The following DCDC2 variants were observed in gnomAD, a reference collection of about 807,000 sequenced individuals.
DCDC2 encodes the protein doublecortin domain-containing protein 2.
Under a neutral mutation model 50.2 loss-of-function variants are expected in DCDC2, and 40 were observed. The ratio of observed to expected loss-of-function variants is 0.80; its 90% CI spans 0.62 to 1.04. DCDC2 has a LOEUF of 1.04. DCDC2 is among the 50% of genes least tolerant of loss of function. DCDC2 has a pLI of 0.00. For missense variants in DCDC2, 570 were observed against 581.9 expected (o/e 0.98, Z 0.21); for synonymous variants, 234 against 210.6 (o/e 1.11, Z -0.96).
intron 7 of DCDC2, among the ~76,000 whole-genome samples, chr6:24,275,733 G>A (rs1763337814): frequency 2.0e-5 from 3 of 151,984 alleles, no homozygotes; most frequent in Non-Finnish European, 2.9e-5. Flanking sequence ...AGAACAGGAA[G>A]GCTTATACCT....
chr6:24,370,808 A>C, the DCDC2 span, among the ~76,000 whole-genome samples: 2 of 152,230 alleles, frequency 1.3e-5, no homozygotes, highest in Admixed American at 6.5e-5. Context: ...TGTTCATAGA[A>C]GCATTATTCA....
At chr6:24,219,519 C>T (rs976746217) in intron 7 of DCDC2, among the ~76,000 whole-genome samples, 2 of 152,162 alleles carry the variant, frequency 1.3e-5, no homozygotes, top group Non-Finnish European at 2.9e-5. Flanking sequence ...CCAACCATGA[C>T]CCATTAGTAG....
intron 7 of DCDC2, among the ~76,000 whole-genome samples, chr6:24,254,025 C>G (rs1045657429): frequency 1.1e-4 from 17 of 152,048 alleles, no homozygotes; most frequent in Non-Finnish European, 5.9e-5. Flanking sequence ...ATTCTATAAG[C>G]TTTTTCTATT....
intron 8 of DCDC2, among the ~76,000 whole-genome samples, chr6:24,195,735 G>A (rs1029957768): frequency 6.6e-6 from 1 of 152,140 alleles, no homozygotes; most frequent in Non-Finnish European, 1.5e-5. Flanking sequence ...CCCTTTGGAG[G>A]CAAAATCACC....
intron 2 of DCDC2, among the ~76,000 whole-genome samples, chr6:24,341,619 T>C (rs1200926435): frequency 1.3e-5 from 2 of 152,196 alleles, no homozygotes; most frequent in Non-Finnish European, 2.9e-5. Context: ...TTTCGAGACA[T>C]GGACCTTTTT....
At chr6:24,289,011 G>A (rs1269860244) in intron 5 of DCDC2, 105 bp from the exon 6 acceptor site, 3 of 787,290 alleles carry the variant, frequency 3.8e-6, no homozygotes, top group Non-Finnish European at 6.1e-6. Context: ...TTACTGCTGT[G>A]TTTCACAAAA....
At position 24,291,595 on chromosome 6, in the gene DCDC2, C is replaced by T. The variant is rs575994433; in HGVS notation, c.558-517G>A. On this transcript the variant is annotated intron_variant, in intron 4 of 9. Coordinates refer to ENST00000378454, the MANE Select transcript of DCDC2 (RefSeq NM_016356.5). ...CCGCCTCCCGGGTTCATGCCATTCTCCTGCCTCAGCCTCCCAAGTAGCTGG... is the reference window on the plus strand; with the variant it reads ...CCGCCTCCCGGGTTCATGCCATTCTTCTGCCTCAGCCTCCCAAGTAGCTGG... Among the ~76,000 whole-genome samples the T allele has an allele frequency of 3.3e-3, 478 of 146,606 alleles. 3 individuals carry two copies. The highest frequency in any genetic ancestry group is 5.4e-3 in the Non-Finnish European group (365 of 67,090).
intron 2 of DCDC2, among the ~76,000 whole-genome samples, chr6:24,336,243 C>T (rs1439311443): frequency 6.6e-6 from 1 of 152,186 alleles, no homozygotes; most frequent in East Asian, 1.9e-4. Flanking sequence ...CGTAGTTCTC[C>T]AGCCCCACCA....
chr6:24,363,721 C>G, the DCDC2 span, among the ~76,000 whole-genome samples: 2 of 152,128 alleles, frequency 1.3e-5, no homozygotes, highest in African/African-American at 2.4e-5. Context: ...TTTTTTAAAT[C>G]CATCCACTTA....
rs573013950 is a variant in DCDC2 at position 24,320,513 on chromosome 6, G to A, written c.349-18469C>T. On this transcript the variant is annotated intron_variant, in intron 2 of 9. Transcript: ENST00000378454. ...CAACTGGCTAATTTTTGTATTTTTAGTAGAGACAGGGTTTCACCATGTTGG... is the reference window on the plus strand; with the variant it reads ...CAACTGGCTAATTTTTGTATTTTTAATAGAGACAGGGTTTCACCATGTTGG... Among the ~76,000 whole-genome samples, 527 of 152,144 alleles carry A rather than the reference G, an allele frequency of 3.5e-3. 1 individual carries two copies. The highest frequency in any genetic ancestry group is 5.8e-3 in the Non-Finnish European group (397 of 67,988).
At chr6:24,200,681 C>T in intron 8 of DCDC2, among the ~76,000 whole-genome samples, 1 of 152,006 alleles carries the variant, frequency 6.6e-6, no homozygotes, top group South Asian at 2.1e-4. Context: ...GGCTAAACGC[C>T]CCAATTAAAA....
intron 2 of DCDC2, among the ~76,000 whole-genome samples, chr6:24,325,608 C>T (rs1759845520): frequency 6.7e-6 from 1 of 149,368 alleles, no homozygotes; most frequent in Non-Finnish European, 1.5e-5. Flanking sequence ...TTTCAGCAAA[C>T]ATATTCCACA....
chr6:24,362,751 T>C (rs1561791091), upstream of DCDC2, among the ~76,000 whole-genome samples: 2 of 152,168 alleles, frequency 1.3e-5, no homozygotes, highest in African/African-American at 4.8e-5. Context: ...TTCCTATGTT[T>C]CCTGTCTCCA....
intron 2 of DCDC2, among the ~76,000 whole-genome samples, chr6:24,319,139 T>TGA (rs1398548824): frequency 1.3e-5 from 2 of 152,208 alleles, no homozygotes; most frequent in East Asian, 1.9e-4. Flanking sequence ...TGGTATAAGA[T>TGA]GATATCTCAT....
chr6:24,241,460 G>A (rs1328767583), intron 7 of DCDC2, among the ~76,000 whole-genome samples: 1 of 152,076 alleles, frequency 6.6e-6, no homozygotes, highest in Non-Finnish European at 1.5e-5. Flanking sequence ...GTTACAGGAA[G>A]GTTTTAACAA....
At chr6:24,371,299 GA>G in the DCDC2 span, among the ~76,000 whole-genome samples, 379 of 136,776 alleles carry the variant, frequency 2.8e-3, 13 homozygotes, top group Middle Eastern at 0.017. Flanking sequence ...AAAAAGAAAA[GA>G]AAAGAAAAAA....
Position 24,357,832 on chromosome 6 carries a change from G to A in DCDC2, c.-82C>T, listed in dbSNP as rs1486145774. 1.2e-6 allele frequency: 2 copies of A among 1,601,248 alleles called. No individual in the cohort carries two copies. Among genetic ancestry groups the A allele is most frequent in the Non-Finnish European group, 1.7e-6 (2 of 1,172,616 alleles). On this transcript the variant is annotated 5_prime_UTR_variant, in exon 1 of 10. Transcript: ENST00000378454. Reference sequence around the variant, plus strand: ...GTCCCAGCGGCCTCACCGCACCCAGGGCGCGGGATCGCCTCCTGAAACGAA... The same window carrying A: ...GTCCCAGCGGCCTCACCGCACCCAGAGCGCGGGATCGCCTCCTGAAACGAA...
intron 2 of DCDC2, among the ~76,000 whole-genome samples, chr6:24,328,907 C>T (rs1026124878): frequency 9.2e-5 from 14 of 152,002 alleles, no homozygotes; most frequent in African/African-American, 3.1e-4. Flanking sequence ...ATCATGTATC[C>T]GATACATGAT....
At chr6:24,374,023 G>A in the DCDC2 span, among the ~76,000 whole-genome samples, 4 of 152,054 alleles carry the variant, frequency 2.6e-5, no homozygotes, top group East Asian at 3.9e-4. Context: ...TTAGCCGGGC[G>A]TGGTGGCGGG....
Sources: allele counts gnomAD v4.1 joint callset (sites outside exome capture counted in the v4.1 genomes callset), GRCh38; gene constraint gnomAD v4.1.1; transcripts MANE v1.5; gene names NCBI Gene and HGNC (gene_info 2026-07-23, HGNC 2026-07-21).